AP2A2: variants seen among roughly 807,000 people sequenced by gnomAD.
The protein encoded by AP2A2 is AP-2 complex subunit alpha-2.
In AP2A2, 32 loss-of-function variants were observed where a neutral mutation model predicts 104.2. The ratio of observed to expected loss-of-function variants is 0.31; its 90% CI spans 0.23 to 0.41. AP2A2 has a LOEUF of 0.41. Ranked by LOEUF, AP2A2 falls within the 10% of genes least tolerant of loss-of-function variation. The pLI, the probability that AP2A2 is intolerant of heterozygous loss-of-function variation, is 1.00. For missense variants in AP2A2, 912 were observed against 1,261.0 expected (o/e 0.72, Z 4.19); for synonymous variants, 539 against 533.3 (o/e 1.01, Z -0.15).
chr11:1,007,612 C>CA, intron 17 of AP2A2: 1 of 273,886 alleles, frequency 3.7e-6, no homozygotes, highest in East Asian at 1.3e-4. Flanking sequence ...CCCAGCAGGG[C>CA]AGGCTCTTTT....
intron 5 of AP2A2, 32 bp from the exon 6 acceptor site, chr11:981,166 G>A: frequency 6.4e-7 from 1 of 1,568,428 alleles, no homozygotes. Context: ...AGCTTCAAGT[G>A]TTCTGACTCT....
In AP2A2 at chr11:1,009,714, A is replaced by G; in HGVS notation, c.2639A>G (p.Glu880Gly). 6.4e-7 allele frequency: 1 copy of G among 1,568,816 alleles called. No individual in the cohort carries two copies. Among genetic ancestry groups the G allele is most frequent in the Non-Finnish European group, 8.7e-7 (1 of 1,155,802 alleles). ...IIGFGSALLE[E>G]VDPNPANFVG... is the part of the protein sequence containing the mutation. ...GGATTTGGTTCTGCACTTCTTGAAG[A>G]AGTTGATCCTAATCCTGCGAATTTC... Residue 880 changes from glutamate (E) to glycine (G), a missense_variant, in exon 21 of 22, where the codon GAA becomes GGA. By Grantham distance (98) the Glu-to-Gly change is moderately conservative (BLOSUM62 -2). Around this residue, in one of 7 missense-constraint regions of AP2A2, gnomAD observed 239 missense variants for 329.8 expected, o/e 0.72. Coordinates refer to ENST00000448903, the MANE Select transcript of AP2A2 (RefSeq NM_012305.4).
intron 1 of AP2A2, among the ~76,000 whole-genome samples, chr11:948,821 C>T (rs1419758278): frequency 1.3e-5 from 2 of 150,184 alleles, no homozygotes; most frequent in Admixed American, 6.8e-5. Context: ...GAGCCAAGAT[C>T]GCACCATTGC....
intron 4 of AP2A2, 34 bp downstream of exon 4, chr11:972,289 AG>A (rs780897122): frequency 6.7e-5 from 103 of 1,531,588 alleles, no homozygotes; most frequent in Middle Eastern, 3.4e-4. Flanking sequence ...CTCCTGCTGA[AG>A]ATGTGCTGCT....
chr11:958,512 A>G (rs1181587759), intron 1 of AP2A2, among the ~76,000 whole-genome samples: 1 of 152,220 alleles, frequency 6.6e-6, no homozygotes, highest in East Asian at 1.9e-4. Flanking sequence ...GGGATGGATA[A>G]GCCAAAAAGA....
intron 4 of AP2A2, among the ~76,000 whole-genome samples, chr11:973,590 G>C (rs915353432): frequency 6.6e-6 from 1 of 151,982 alleles, no homozygotes; most frequent in Non-Finnish European, 1.5e-5. Context: ...TGCTCCTCAG[G>C]CCATTCAGTC....
At chr11:985,382 G>A in intron 7 of AP2A2, 53 bp from the exon 8 acceptor site, 3 of 1,578,812 alleles carry the variant, frequency 1.9e-6, no homozygotes, top group Non-Finnish European at 2.6e-6. Flanking sequence ...GAGGGGCAGG[G>A]TGGGCTGCGG....
At position 984,587 on chromosome 11, in the gene AP2A2, T is replaced by A. The variant is rs553762742; in HGVS notation, c.706-58T>A. The A allele has an allele frequency of 5.3e-5, 75 of 1,409,022 alleles. No homozygotes were observed. The East Asian group carries it at 1.6e-3, about 30-fold the overall frequency. The allele number at this position is 1,409,022 out of a possible 1,614,324, so 87.3% of individuals were successfully genotyped here. A position where few individuals can be genotyped will look rare whatever the true frequency, so the allele number is the denominator to read the frequency against. On this transcript the variant is annotated intron_variant, in intron 6 of 21. Transcript: ENST00000448903. ...GGAGTGAGTATGGCTTTTCTTTGGG[T>A]CCCCGCAGTAGGGGCTCGTGTCCGG...
rs1017071533 is a variant in AP2A2, at chr11:968,417, C to T, written c.137-1752C>T. 2.0e-5 allele frequency among the ~76,000 whole-genome samples: 3 copies of T among 152,024 alleles called. No individual in the cohort carries two copies. The highest frequency in any genetic ancestry group is 3.2e-3 in the Middle Eastern group (1 of 316). On this transcript the variant is annotated intron_variant, in intron 2 of 21. Coordinates refer to ENST00000448903, the MANE Select transcript of AP2A2 (RefSeq NM_012305.4). The surrounding 1 kb of genome is among the most constrained non-coding windows in gnomAD (Gnocchi z 4.2). ...GCTCCTCTCGGAGAGAGCCTGTCTC[C>T]GTCTCCGCCCCTGTTCCCATCCCCG...
chr11:971,395 T>G (rs1233172807), intron 3 of AP2A2, among the ~76,000 whole-genome samples: 1 of 152,130 alleles, frequency 6.6e-6, no homozygotes, highest in Non-Finnish European at 1.5e-5. Flanking sequence ...CAGTGGTGTT[T>G]GGCAGGGCGG....
At chr11:1,003,533 C>T in intron 15 of AP2A2, 189 bp from the exon 16 acceptor site, 1 of 502,764 alleles carries the variant, frequency 2.0e-6, no homozygotes, top group East Asian at 3.3e-5. Flanking sequence ...GTCCCTGCGT[C>T]CTGCTCACCG....
chr11:978,882 C>T (rs540473406), intron 5 of AP2A2, among the ~76,000 whole-genome samples: 19 of 152,238 alleles, frequency 1.2e-4, no homozygotes, highest in African/African-American at 3.9e-4. Context: ...GTCAGGCCTG[C>T]GCCCGGAGTT....
At chr11:994,419 C>CT (rs2133746934) in intron 14 of AP2A2, among the ~76,000 whole-genome samples, 174 bp downstream of exon 14, 1 of 151,916 alleles carries the variant, frequency 6.6e-6, no homozygotes, top group Admixed American at 6.5e-5. Context: ...GCTGGACACG[C>CT]TGCTGTCCTG....
intron 1 of AP2A2, among the ~76,000 whole-genome samples, chr11:938,927 C>T (rs1197790729): frequency 1.3e-5 from 2 of 152,054 alleles, no homozygotes; most frequent in South Asian, 2.1e-4. Context: ...CTTGTCCTTA[C>T]TTAAATGTTT....
At chr11:995,557 G>A (rs576625626) in intron 14 of AP2A2, among the ~76,000 whole-genome samples, 6 of 151,882 alleles carry the variant, frequency 4.0e-5, no homozygotes, top group African/African-American at 1.4e-4. Flanking sequence ...GGTGGTGCCT[G>A]CCCTGGCAGT....
chr11:972,020 G>T, intron 3 of AP2A2, 42 bp from the exon 4 acceptor site: 1 of 1,562,496 alleles, frequency 6.4e-7, no homozygotes. Context: ...GGTGGACTTG[G>T]ATTGTCATGA....
At chr11:983,627 C>A (rs1460401847) in intron 6 of AP2A2, among the ~76,000 whole-genome samples, 2 of 152,128 alleles carry the variant, frequency 1.3e-5, no homozygotes, top group African/African-American at 2.4e-5. Flanking sequence ...TTGTGATCCG[C>A]CCGCCTTGGC....
At position 977,186 on chromosome 11, in the gene AP2A2, A is replaced by C; in HGVS notation, c.565A>C (p.Thr189Pro). The C allele has an allele frequency of 1.2e-6, 2 of 1,611,500 alleles. No homozygotes were observed. The highest frequency in any genetic ancestry group is 2.2e-5 in the South Asian group (2 of 90,864). Reference protein sequence around the residue: ...SPDLVPMGDWTSRVVHLLNDQ... With the variant: ...SPDLVPMGDWPSRVVHLLNDQ... ...CGATCTTGTCCCCATGGGCGACTGGACATCCCGAGTGGTGCACCTGCTCAA... is the reference window on the plus strand; with the variant it reads ...CGATCTTGTCCCCATGGGCGACTGGCCATCCCGAGTGGTGCACCTGCTCAA... Residue 189 changes from threonine to proline, a missense_variant, in exon 5 of 22, where the codon ACA (threonine) becomes CCA (proline). This residue lies in a region of AP2A2 where 350 missense variants were observed against 487.0 expected (regional missense o/e 0.72). Coordinates refer to ENST00000448903, the MANE Select transcript of AP2A2 (RefSeq NM_012305.4).
intron 15 of AP2A2, among the ~76,000 whole-genome samples, chr11:1,002,026 G>A (rs548340991): frequency 1.3e-5 from 2 of 152,222 alleles, no homozygotes; most frequent in Non-Finnish European, 1.5e-5. Context: ...AGGACAGGGC[G>A]GCTGCATTCT....
Sources: gnomAD v4.1 joint callset for allele counts (sites outside exome capture counted in the v4.1 genomes callset) on GRCh38, gnomAD v4.1.1 for gene constraint, gnomAD v4.1.1 regional missense constraint, Gnocchi (gnomAD v3.1) non-coding constraint, MANE v1.5 for transcripts, NCBI Gene and HGNC (gene_info 2026-07-23, HGNC 2026-07-21) for gene names.